UTS2B: variants seen among roughly 807,000 people sequenced by gnomAD.
UTS2B encodes the protein urotensin-2B.
Under a neutral mutation model 19.2 loss-of-function variants are expected in UTS2B, and 21 were observed. The observed-to-expected ratio is 1.09, with a 90% CI of 0.78 to 1.58. UTS2B has a LOEUF of 1.58. UTS2B is among the 40% of genes most tolerant of loss of function. UTS2B has a pLI of 0.00. For synonymous variants in UTS2B, 57 were observed against 50.2 expected, an observed-to-expected ratio of 1.14 and a Z score of -0.58; for missense variants, 138 against 130.3, an observed-to-expected ratio of 1.06 and a Z score of -0.29.
At chr3:191,270,502 A>G (rs149115524) in intron 8 of UTS2B, among the ~76,000 whole-genome samples, 129 of 152,324 alleles carry the variant, frequency 8.5e-4, no homozygotes, top group African/African-American at 3.0e-3. Flanking sequence ...CCTGACCTAC[A>G]AACATGTTGT....
At chr3:191,331,342 G>C (rs533094504), upstream of UTS2B, among the ~76,000 whole-genome samples, 2 of 152,176 alleles carry the variant, frequency 1.3e-5, no homozygotes, top group East Asian at 3.9e-4. Flanking sequence ...TTACCCTTAG[G>C]TCTTCTGATT....
At chr3:191,321,999 C>A (rs1173666997) in intron 2 of UTS2B, among the ~76,000 whole-genome samples, 1 of 151,954 alleles carries the variant, frequency 6.6e-6, no homozygotes. Flanking sequence ...TGCACTCCAG[C>A]CTGGGTGACA....
At chr3:191,332,853 T>G (rs574326734), upstream of UTS2B, among the ~76,000 whole-genome samples, 5 of 152,240 alleles carry the variant, frequency 3.3e-5, no homozygotes, top group Non-Finnish European at 7.3e-5. Context: ...TTTTGCCATT[T>G]AGCCCTCTCT....
At chr3:191,317,190 C>T (rs1264238516) in intron 2 of UTS2B, among the ~76,000 whole-genome samples, 6 of 152,216 alleles carry the variant, frequency 3.9e-5, no homozygotes, top group African/African-American at 1.4e-4. Flanking sequence ...AGTTCCAGTG[C>T]GGCGCTCAGT....
At chr3:191,339,715 G>A in the UTS2B span, among the ~76,000 whole-genome samples, 2 of 152,160 alleles carry the variant, frequency 1.3e-5, no homozygotes, top group African/African-American at 4.8e-5. Context: ...TTTAGTAAAT[G>A]TTACAGTCCA....
chr3:191,283,641 A>G (rs1716451830), intron 4 of UTS2B, among the ~76,000 whole-genome samples: 1 of 152,232 alleles, frequency 6.6e-6, no homozygotes, highest in Admixed American at 6.5e-5. Flanking sequence ...AATGAGTGAA[A>G]ACATGTTTGA....
intron 4 of UTS2B, among the ~76,000 whole-genome samples, chr3:191,285,278 GT>G (rs1716504450): frequency 6.6e-6 from 1 of 152,162 alleles, no homozygotes. Context: ...AGGATAGTAT[GT>G]TATAATAAGA....
At position 191,293,947 on chromosome 3, in the gene UTS2B, A is replaced by G. The variant is rs1051802097; in HGVS notation, c.-125+10545T>C. ...AACATGGAGAAACCCTGTCTCTACT[A>G]AAAATACAAAATTAGCCGGGCGTGG... On this transcript the variant is annotated intron_variant, in intron 4 of 8. Coordinates refer to ENST00000340524, the MANE Select transcript of UTS2B (RefSeq NM_198152.5). Among the ~76,000 whole-genome samples the G allele has an allele frequency of 2.1e-4, 32 of 151,708 alleles. 3 individuals carry two copies. The highest frequency in any genetic ancestry group is 7.5e-4 in the African/African-American group (31 of 41,062).
At chr3:191,269,501 GTT>G (rs543202622) in intron 8 of UTS2B, among the ~76,000 whole-genome samples, 1 of 141,684 alleles carries the variant, frequency 7.1e-6, no homozygotes. Flanking sequence ...TTTTTTTCAG[GTT>G]TTTTTTTTTT....
At chr3:191,332,260 C>CA (rs1369259610), upstream of UTS2B, among the ~76,000 whole-genome samples, 7 of 152,156 alleles carry the variant, frequency 4.6e-5, no homozygotes, top group East Asian at 1.4e-3. Context: ...TTAAGGAAGT[C>CA]AAAAATATTC....
At chr3:191,276,869 A>G in intron 6 of UTS2B, 25 bp from the exon 7 acceptor site, 1 of 1,605,558 alleles carries the variant, frequency 6.2e-7, no homozygotes, top group Non-Finnish European at 8.5e-7. Flanking sequence ...TGTCACATGA[A>G]AAAACGTACA....
chr3:191,294,434 C>T (rs1177592297), intron 4 of UTS2B: 1 of 151,744 alleles, frequency 6.6e-6, no homozygotes, highest in Admixed American at 6.6e-5. Context: ...AGCAGGAAAC[C>T]AGACTCTCAG....
At chr3:191,288,987 A>G (rs897446148) in intron 4 of UTS2B, among the ~76,000 whole-genome samples, 1 of 152,214 alleles carries the variant, frequency 6.6e-6, no homozygotes, top group African/African-American at 2.4e-5. Context: ...AATATCTAAG[A>G]AACTCAAACA....
chr3:191,325,925 T>C (rs1477466524), intron 2 of UTS2B, among the ~76,000 whole-genome samples: 3 of 152,206 alleles, frequency 2.0e-5, no homozygotes, highest in African/African-American at 4.8e-5. Context: ...ATTCAGTCTG[T>C]GGTATTTTGT....
At chr3:191,290,226 G>T (rs1199354218) in intron 4 of UTS2B, among the ~76,000 whole-genome samples, 1 of 152,114 alleles carries the variant, frequency 6.6e-6, no homozygotes, top group Non-Finnish European at 1.5e-5. Flanking sequence ...CTTGTCATGA[G>T]TGCATAACCA....
intron 4 of UTS2B, among the ~76,000 whole-genome samples, chr3:191,289,426 A>AT (rs1716650166): frequency 6.9e-6 from 1 of 143,960 alleles, no homozygotes. Flanking sequence ...AAATAAATAA[A>AT]TAAATAAATA....
intron 3 of UTS2B, among the ~76,000 whole-genome samples, chr3:191,315,014 T>A (rs74478859): frequency 0.25 from 31,420 of 127,260 alleles, 3,487 homozygotes; most frequent in Admixed American, 0.29. Flanking sequence ...CACCCTAGAA[T>A]TTTTTTTTTT....
At chr3:191,284,197 T>C (rs1215387888) in intron 4 of UTS2B, among the ~76,000 whole-genome samples, 1 of 107,966 alleles carries the variant, frequency 9.3e-6, no homozygotes, top group Non-Finnish European at 2.3e-5. Context: ...GATTATTCTA[T>C]TTTTTAAAAA....
chr3:191,305,685 A>T (rs544787418), intron 3 of UTS2B, among the ~76,000 whole-genome samples: 4 of 151,866 alleles, frequency 2.6e-5, no homozygotes, highest in African/African-American at 9.7e-5. Context: ...CCATTTGTCA[A>T]TTTTTTCTTT....
Sources: allele counts gnomAD v4.1 joint callset (sites outside exome capture counted in the v4.1 genomes callset), GRCh38; gene constraint gnomAD v4.1.1; transcripts MANE v1.5; gene names NCBI Gene and HGNC (gene_info 2026-07-23, HGNC 2026-07-21).